Variants in ESRP1 observed in about 807,000 individuals in gnomAD.
ESRP1 encodes the protein epithelial splicing regulatory protein 1.
Under a neutral mutation model 81.7 loss-of-function variants are expected in ESRP1, and 33 were observed. The observed-to-expected ratio is 0.40, with a 90% CI of 0.31 to 0.54. The LOEUF is 0.54. Ranked by LOEUF, ESRP1 falls within the 20% of genes least tolerant of loss-of-function variation. The pLI, the probability that ESRP1 is intolerant of heterozygous loss-of-function variation, is 0.41. For missense variants in ESRP1, 672 were observed against 833.1 expected, an observed-to-expected ratio of 0.81 and a Z score of 2.38; for synonymous variants, 320 against 303.3, an observed-to-expected ratio of 1.06 and a Z score of -0.57.
chr8:94,686,517 G>C (rs956513556), intron 13 of ESRP1, among the ~76,000 whole-genome samples: 1 of 152,054 alleles, frequency 6.6e-6, no homozygotes. Flanking sequence ...TTACCCTAAG[G>C]TTGCTTATCC....
chr8:94,651,612 A>G, intron 4 of ESRP1, among the ~76,000 whole-genome samples: 1 of 147,458 alleles, frequency 6.8e-6, no homozygotes, highest in Non-Finnish European at 1.5e-5. Context: ...AAAAGGGTTT[A>G]GGAATTTTTT....
chr8:94,665,346 GC>G (rs1209166459), intron 9 of ESRP1, 150 bp downstream of exon 9: 1 of 801,334 alleles, frequency 1.2e-6, no homozygotes, highest in Non-Finnish European at 2.0e-6. Flanking sequence ...AGAGGTAGAA[GC>G]TTCCGATAAT....
intron 15 of ESRP1, among the ~76,000 whole-genome samples, chr8:94,703,108 GTT>G (rs201767398): frequency 1.2e-4 from 15 of 128,490 alleles, no homozygotes; most frequent in Admixed American, 1.6e-4. Context: ...GAGATTGATT[GTT>G]TTTTTTTTTT....
At position 94,643,424 on chromosome 8, in the gene ESRP1, T is replaced by C. The variant is rs771394556; in HGVS notation, c.375+8T>C. ...CCTGAGGCTTCCAAGAAGGTAAGAG[T>C]GCTGGCTTCTGGGAAAAAAATGGTT... On this transcript the variant is annotated splice_region_variant and intron_variant, in intron 3 of 15. Transcript: ENST00000433389. The C allele has an allele frequency of 1.9e-6, 3 of 1,594,838 alleles. No individual in the cohort carries two copies. The highest frequency in any genetic ancestry group is 4.5e-5 in the East Asian group (2 of 44,806).
At chr8:94,668,528 A>G (rs141841025) in intron 10 of ESRP1, among the ~76,000 whole-genome samples, 285 of 152,280 alleles carry the variant, frequency 1.9e-3, no homozygotes, top group African/African-American at 6.5e-3. Flanking sequence ...ATGTCTGAAA[A>G]GTTTCATCTT....
chr8:94,685,959 TTTG>T (rs1809123033), intron 13 of ESRP1, among the ~76,000 whole-genome samples: 2 of 152,186 alleles, frequency 1.3e-5, no homozygotes, highest in African/African-American at 4.8e-5. Flanking sequence ...TATATGTTGT[TTTG>T]TTTGAGACAC....
chr8:94,649,340 T>A (rs1817999803), intron 4 of ESRP1, among the ~76,000 whole-genome samples: 1 of 152,116 alleles, frequency 6.6e-6, no homozygotes, highest in African/African-American at 2.4e-5. Context: ...TGCCACCATA[T>A]CCTGGCCTCA....
intron 4 of ESRP1, 69 bp from the exon 5 acceptor site, chr8:94,662,203 G>A: frequency 1.0e-6 from 1 of 964,044 alleles, no homozygotes. Context: ...GCTTGGTATA[G>A]GTTTAATTTT....
chr8:94,696,914 G>T lies in ESRP1; in HGVS notation c.2034G>T (p.Trp678Cys). The change falls in exon 15 of 16, where the codon TGG becomes TGT. Residue 678 changes from tryptophan (W) to cysteine (C), a missense_variant. Trp to Cys is a radical substitution (Grantham distance 215). Coordinates refer to ENST00000433389, the MANE Select transcript of ESRP1 (RefSeq NM_017697.4). ...NDQARTLPKE[W>C]VCI ...AGGCCAGGACTCTACCCAAAGAATG[G>T]GTTTGTATTTAAGGGCCCCAGCAGT... The T allele has an allele frequency of 2.5e-6, 4 of 1,590,190 alleles. No individual in the cohort carries two copies. Among genetic ancestry groups the T allele is most frequent in the Non-Finnish European group, 3.4e-6 (4 of 1,167,348 alleles).
intron 11 of ESRP1, among the ~76,000 whole-genome samples, chr8:94,673,119 T>C (rs1819415489): frequency 1.3e-5 from 2 of 152,210 alleles, no homozygotes; most frequent in African/African-American, 4.8e-5. Flanking sequence ...TCAATATTGA[T>C]ATTAAATTAT....
chr8:94,641,959 G>A lies in ESRP1; in HGVS notation c.136G>A (p.Gly46Arg), dbSNP rs1277494687. 6.2e-7 allele frequency: 1 copy of A among 1,613,792 alleles called. No individual in the cohort carries two copies. Among genetic ancestry groups the A allele is most frequent in the Admixed American group, 1.7e-5 (1 of 60,028 alleles). ...CCGTGCTTCTCTACCTTCGGAGGTG[G>A]GACAGTTGCACGAAGTGCTAGTTAG... Reference protein sequence around the residue: ...KVVDLANKKVGQLHEVLVRPD... With the variant: ...KVVDLANKKVRQLHEVLVRPD... The change falls in exon 2 of 16, where the codon GGA (glycine) becomes AGA (arginine). Residue 46 changes from glycine to arginine, a missense_variant. Coordinates refer to ENST00000433389, the MANE Select transcript of ESRP1 (RefSeq NM_017697.4).
intron 4 of ESRP1, among the ~76,000 whole-genome samples, chr8:94,655,085 G>GTTT (rs1818336283): frequency 6.8e-6 from 1 of 147,906 alleles, no homozygotes; most frequent in Admixed American, 6.8e-5. Flanking sequence ...GTGTGTGTGT[G>GTTT]TGTTTTGTTT....
chr8:94,682,961 T>TG (rs1554579900), intron 13 of ESRP1, among the ~76,000 whole-genome samples: 5 of 104,190 alleles, frequency 4.8e-5, no homozygotes, highest in Non-Finnish European at 9.9e-5. Context: ...TTTTTTTTTT[T>TG]GAGACGGAGT....
intron 4 of ESRP1, among the ~76,000 whole-genome samples, chr8:94,660,709 C>CAAAAAAAAAA (rs60316449): frequency 6.9e-5 from 3 of 43,540 alleles, no homozygotes; most frequent in African/African-American, 1.1e-4. Context: ...GAGACTATCT[C>CAAAAAAAAAA]AAAAAAAAAA....
intron 4 of ESRP1, among the ~76,000 whole-genome samples, chr8:94,650,067 A>G (rs970567248): frequency 3.9e-5 from 6 of 151,980 alleles, no homozygotes; most frequent in African/African-American, 1.5e-4. Flanking sequence ...GCTGTACCAG[A>G]GTGGTACATT....
chr8:94,648,731 G>C (rs1817963362), intron 4 of ESRP1, among the ~76,000 whole-genome samples: 1 of 152,228 alleles, frequency 6.6e-6, no homozygotes. Context: ...AACACCTGGA[G>C]AAGAGCAGAT....
chr8:94,648,812 T>C (rs989862278), intron 4 of ESRP1, among the ~76,000 whole-genome samples: 1 of 152,270 alleles, frequency 6.6e-6, no homozygotes, highest in Non-Finnish European at 1.5e-5. Context: ...TTGGTTGTTT[T>C]AAACGAGGAT....
Position 94,696,888 on chromosome 8 carries a change from C to G in ESRP1, c.2008C>G (p.Gln670Glu), listed in dbSNP as rs1809627654. The G allele has an allele frequency of 6.3e-7, 1 of 1,594,806 alleles. No individual in the cohort carries two copies. The highest frequency in any genetic ancestry group is 8.5e-7 in the Non-Finnish European group (1 of 1,170,260). The change falls in exon 15 of 16, where the codon CAG (glutamine) becomes GAG (glutamate). Residue 670 changes from glutamine to glutamate, a missense_variant. Transcript: ENST00000433389. ...GGATGGACTTATACACACAAATGACCAGGCCAGGACTCTACCCAAAGAATG... is the reference window on the plus strand; with the variant it reads ...GGATGGACTTATACACACAAATGACGAGGCCAGGACTCTACCCAAAGAATG... ...TEDGLIHTND[Q>E]ARTLPKEWVC...
At chr8:94,645,336 T>C (rs1482016448) in intron 3 of ESRP1, among the ~76,000 whole-genome samples, 4 of 152,014 alleles carry the variant, frequency 2.6e-5, no homozygotes, top group Non-Finnish European at 4.4e-5. Context: ...CCCAGCAAAT[T>C]AACACAATTT....
Sources: allele counts gnomAD v4.1 joint callset (sites outside exome capture counted in the v4.1 genomes callset), GRCh38; gene constraint gnomAD v4.1.1; transcripts MANE v1.5; gene names NCBI Gene and HGNC (gene_info 2026-07-23, HGNC 2026-07-21).